RHEB: variants seen among roughly 807,000 people sequenced by gnomAD.
The protein encoded by RHEB is GTP-binding protein Rheb.
A neutral mutation model predicts 28.8 loss-of-function variants in RHEB; 2 were observed. That is an observed-to-expected ratio of 0.07 (90% confidence interval 0.03 to 0.22). The LOEUF (loss-of-function observed/expected upper bound fraction) is 0.22. Among genes scored for constraint, RHEB ranks in the 10% least tolerant of loss-of-function variants. RHEB has a pLI of 1.00. For synonymous variants in RHEB, 69 were observed against 77.3 expected, an observed-to-expected ratio of 0.89 and a Z score of 0.56; for missense variants, 76 against 219.9, an observed-to-expected ratio of 0.35 and a Z score of 4.14.
At chr7:151,503,282 G>A in intron 1 of RHEB, 1 of 789,758 alleles carries the variant, frequency 1.3e-6, no homozygotes, top group Non-Finnish European at 2.3e-6. Flanking sequence ...CTGTTGGAAT[G>A]GTTTGCTAAC....
At chr7:151,498,390 G>A (rs947364241) in intron 1 of RHEB, among the ~76,000 whole-genome samples, 2 of 152,090 alleles carry the variant, frequency 1.3e-5, no homozygotes, top group African/African-American at 4.8e-5. Context: ...GCTGAGGCTG[G>A]CAGATTTCTT....
At chr7:151,470,844 T>C (rs1431815574) in intron 6 of RHEB, among the ~76,000 whole-genome samples, 192 bp from the exon 7 acceptor site, 3 of 152,344 alleles carry the variant, frequency 2.0e-5, no homozygotes, top group Middle Eastern at 3.4e-3. Context: ...GGGAACAGAA[T>C]AGACATTGCT....
At chr7:151,506,642 C>T (rs1457605221) in intron 1 of RHEB, among the ~76,000 whole-genome samples, 3 of 152,086 alleles carry the variant, frequency 2.0e-5, no homozygotes, top group African/African-American at 7.2e-5. Flanking sequence ...AATAAATTAA[C>T]CTGAAAGATG....
intron 2 of RHEB, 134 bp downstream of exon 2, chr7:151,490,809 G>T (rs1225076909): frequency 1.3e-6 from 1 of 745,294 alleles, no homozygotes. Flanking sequence ...TAAATCTTTT[G>T]CAAGTTTTCT....
At chr7:151,477,960 AAAGAG>A (rs1802300592) in intron 3 of RHEB, among the ~76,000 whole-genome samples, 1 of 152,118 alleles carries the variant, frequency 6.6e-6, no homozygotes, top group Admixed American at 6.5e-5. Flanking sequence ...AGAAACAGAG[AAAGAG>A]AAAAGAGGAT....
chr7:151,494,319 C>T (rs774410452), intron 1 of RHEB, among the ~76,000 whole-genome samples: 2 of 152,182 alleles, frequency 1.3e-5, no homozygotes, highest in Non-Finnish European at 2.9e-5. Flanking sequence ...GTCTCGACAA[C>T]CTGACTTGCG....
intron 1 of RHEB, among the ~76,000 whole-genome samples, chr7:151,505,953 G>A (rs1802865852): frequency 6.6e-6 from 1 of 152,154 alleles, no homozygotes; most frequent in Non-Finnish European, 1.5e-5. Flanking sequence ...CCAGAGTGAT[G>A]GAGAGCAGAT....
rs186659694 is a variant in RHEB, at chr7:151,467,004, G to T, written c.*115C>A. On this transcript the variant is annotated 3_prime_UTR_variant, in exon 8 of 8. Transcript: ENST00000262187. ...AAGGGAGGGGAGCTCTGACCCAAAT[G>T]ATATCTTTCAGGTTAACAGAAGAAA... 137 of 724,746 alleles carry T rather than the reference G, an allele frequency of 1.9e-4. No homozygotes were observed. In the East Asian group the frequency reaches 2.5e-3, roughly 13 times the overall value. The allele number at this position is 724,746 out of a possible 1,614,324, so 44.9% of individuals were successfully genotyped here.
Position 151,472,151 on chromosome 7 carries a change from T to C in RHEB, c.276-546A>G, listed in dbSNP as rs920041039. 2 of 152,270 alleles carry C rather than the reference T, an allele frequency of 1.3e-5. No homozygotes were observed. The highest frequency in any genetic ancestry group is 2.9e-5 in the Non-Finnish European group (2 of 68,126). 9.4% of individuals were successfully genotyped at this position (152,270 alleles called of 1,614,324 possible). A position where few individuals can be genotyped will look rare whatever the true frequency, so the allele number is the denominator to read the frequency against. On this transcript the variant is annotated intron_variant, in intron 4 of 7. Coordinates refer to ENST00000262187, the MANE Select transcript of RHEB (RefSeq NM_005614.4). This position sits in a 1 kb window ranked among gnomAD's most constrained non-coding sequence, Gnocchi z 5.2. ...CAGCAGGATTATTTATACCACTGAC[T>C]GCTGGCAAATGGCCACAAATCATTT...
At chr7:151,470,976 G>A (rs186321973) in intron 6 of RHEB, among the ~76,000 whole-genome samples, 1 of 152,242 alleles carries the variant, frequency 6.6e-6, no homozygotes, top group African/African-American at 2.4e-5. Context: ...CCCAAGGCCA[G>A]GGGAAATTGT....
At chr7:151,490,800 A>T in intron 2 of RHEB, 143 bp downstream of exon 2, 1 of 721,330 alleles carries the variant, frequency 1.4e-6, no homozygotes, top group Non-Finnish European at 2.5e-6. Flanking sequence ...TAAAGTAGGT[A>T]AATCTTTTGC....
rs1000974138 is a variant in RHEB at position 151,500,965 on chromosome 7, C to T, written c.53-9951G>A. 6.6e-5 allele frequency among the ~76,000 whole-genome samples: 10 copies of T among 151,796 alleles called. No homozygotes were observed. In the East Asian group the frequency reaches 1.3e-3, roughly 20 times the overall value. On this transcript the variant is annotated intron_variant, in intron 1 of 7. Transcript: ENST00000262187. Reference sequence around the variant, plus strand: ...TGCCACTGCATACCAGCCTGGGTGACGGAACAAGACGCTGTCTCCAAAATC... The same window carrying T: ...TGCCACTGCATACCAGCCTGGGTGATGGAACAAGACGCTGTCTCCAAAATC...
At chr7:151,514,043 C>T (rs1173532730) in intron 1 of RHEB, among the ~76,000 whole-genome samples, 1 of 152,142 alleles carries the variant, frequency 6.6e-6, no homozygotes, top group Non-Finnish European at 1.5e-5. Flanking sequence ...ATGGTACTGG[C>T]AGGACAGACA....
At chr7:151,473,457 C>T (rs1360516077) in intron 4 of RHEB, among the ~76,000 whole-genome samples, 1 of 152,202 alleles carries the variant, frequency 6.6e-6, no homozygotes, top group Middle Eastern at 3.2e-3. Context: ...CACAGCTAGG[C>T]CACACCCAGA....
intron 1 of RHEB, among the ~76,000 whole-genome samples, chr7:151,515,492 A>C (rs1267755568): frequency 6.6e-6 from 1 of 152,252 alleles, no homozygotes; most frequent in East Asian, 1.9e-4. Flanking sequence ...CTTGTGCAGA[A>C]CAATGAATGA....
intron 2 of RHEB, among the ~76,000 whole-genome samples, chr7:151,487,204 G>C (rs917683537): frequency 1.1e-4 from 16 of 152,230 alleles, no homozygotes; most frequent in African/African-American, 3.9e-4. Flanking sequence ...TTGTGAGGCT[G>C]AGGAAAGATC....
intron 3 of RHEB, among the ~76,000 whole-genome samples, chr7:151,478,613 G>C (rs906429024): frequency 1.3e-5 from 2 of 151,922 alleles, no homozygotes; most frequent in Non-Finnish European, 2.9e-5. Flanking sequence ...TATAATGGAG[G>C]AAAGAGCCCC....
rs139987209 is a variant in RHEB, at chr7:151,470,923, C to T, written c.381-271G>A. On this transcript the variant is annotated intron_variant, in intron 6 of 7. Transcript: ENST00000262187. Reference sequence around the variant, plus strand: ...ACATGATCTTATTTTCCAGTACTCCCGTATCTGTAACAATTGACTATTTTA... The same window carrying T: ...ACATGATCTTATTTTCCAGTACTCCTGTATCTGTAACAATTGACTATTTTA... 5.6e-3 allele frequency among the ~76,000 whole-genome samples: 856 copies of T among 152,320 alleles called. 31 individuals are homozygous for T. Among genetic ancestry groups the T allele is most frequent in the Non-Finnish European group, 1.3e-3 (88 of 68,030 alleles).
intron 1 of RHEB, among the ~76,000 whole-genome samples, chr7:151,501,599 A>C (rs1277929123): frequency 6.6e-6 from 1 of 152,212 alleles, no homozygotes; most frequent in Non-Finnish European, 1.5e-5. Context: ...CTAAGTATTT[A>C]TGGAAGACAA....
Sources: gnomAD v4.1 joint callset for allele counts (sites outside exome capture counted in the v4.1 genomes callset) on GRCh38, gnomAD v4.1.1 for gene constraint, Gnocchi (gnomAD v3.1) non-coding constraint, MANE v1.5 for transcripts, NCBI Gene and HGNC (gene_info 2026-07-23, HGNC 2026-07-21) for gene names.